ATAD3A: variants seen among roughly 807,000 people sequenced by gnomAD.
ATAD3A encodes ATPase family AAA domain containing 3A, also known as ATPase family AAA domain-containing protein 3A.
Under a neutral mutation model 73.8 loss-of-function variants are expected in ATAD3A, and 46 were observed. The ratio of observed to expected loss-of-function variants is 0.62; its 90% CI spans 0.49 to 0.80. The LOEUF is 0.80. Among genes scored for constraint, ATAD3A ranks in the 30% least tolerant of loss-of-function variants. The probability of loss-of-function intolerance (pLI) is 0.00; values close to 1 mark genes in which losing one functional copy is unlikely to be tolerated. For missense variants in ATAD3A, 705 were observed against 838.0 expected, an observed-to-expected ratio of 0.84 and a Z score of 1.96; for synonymous variants, 319 against 350.0, an observed-to-expected ratio of 0.91 and a Z score of 0.99.
chr1:1,528,476 C>G (rs945484651), intron 14 of ATAD3A, among the ~76,000 whole-genome samples: 22 of 152,192 alleles, frequency 1.4e-4, no homozygotes, highest in Non-Finnish European at 2.9e-4. Flanking sequence ...TGGCCTCCCT[C>G]CAGCTGCCAC....
chr1:1,519,230 CTTTTT>C (rs1320908153), intron 5 of ATAD3A, among the ~76,000 whole-genome samples: 1 of 132,382 alleles, frequency 7.6e-6, no homozygotes, highest in South Asian at 2.4e-4. Context: ...GTACAGGGGC[CTTTTT>C]TTTTTTTTTG....
intron 15 of ATAD3A, among the ~76,000 whole-genome samples, chr1:1,529,861 G>T (rs1641978073): frequency 6.6e-6 from 1 of 152,232 alleles, no homozygotes; most frequent in Admixed American, 6.5e-5. Context: ...GAGGAGCCAG[G>T]ACTCACAGGA....
rs1287091086 is a variant in ATAD3A at position 1,524,024 on chromosome 1, G to A, written c.1089+60G>A. ...CCGCTGGGGTCTCACCTGCCTGCAGGTGTCTGGGGGGCTCAGCTGCCTGGG... is the reference window on the plus strand; with the variant it reads ...CCGCTGGGGTCTCACCTGCCTGCAGATGTCTGGGGGGCTCAGCTGCCTGGG... On this transcript the variant is annotated intron_variant, in intron 10 of 15. Coordinates refer to ENST00000378756, the MANE Select transcript of ATAD3A (RefSeq NM_001170535.3). 8.1e-6 allele frequency: 13 copies of A among 1,610,616 alleles called. No homozygotes were observed. In the East Asian group the frequency reaches 2.9e-4, roughly 36 times the overall value.
chr1:1,517,047 G>T, intron 2 of ATAD3A: 1 of 1,462,822 alleles, frequency 6.8e-7, no homozygotes, highest in East Asian at 2.5e-5. Flanking sequence ...CATGAGCTCT[G>T]CCCTCAGTGC....
At position 1,523,920 on chromosome 1, in the gene ATAD3A, C is replaced by G. The variant is rs372111873; in HGVS notation, c.1045C>G (p.Leu349Val). ...KKNRSLYRNILMYGPPGTGKT... is the reference protein window; with the variant it reads ...KKNRSLYRNIVMYGPPGTGKT... ...GAACCGCAGCCTGTACAGGAACATC[C>G]TGATGTACGGGCCACCAGGCACCGG... Residue 349 changes from leucine (L) to valine (V), a missense_variant, in exon 10 of 16, where the codon CTG (leucine) becomes GTG (valine). Leu to Val is a conservative substitution (Grantham distance 32). Around this residue, in one of 5 missense-constraint regions of ATAD3A, gnomAD observed 315 missense variants for 334.1 expected, o/e 0.94. Transcript: ENST00000378756. This position sits in a 1 kb window ranked among gnomAD's most constrained non-coding sequence, Gnocchi z 5.1. 2 of 1,614,044 alleles carry G rather than the reference C, an allele frequency of 1.2e-6. No individual in the cohort carries two copies. The highest frequency in any genetic ancestry group is 2.2e-5 in the East Asian group (1 of 44,880).
At chr1:1,524,035 G>T (rs558017104) in intron 10 of ATAD3A, 71 bp downstream of exon 10, 10 of 1,606,158 alleles carry the variant, frequency 6.2e-6, no homozygotes, top group Non-Finnish European at 8.5e-6. Context: ...TGTCTGGGGG[G>T]CTCAGCTGCC....
chr1:1,517,182 C>T (rs1641387769), intron 2 of ATAD3A, 129 bp from the exon 3 acceptor site: 2 of 1,547,644 alleles, frequency 1.3e-6, no homozygotes, highest in Middle Eastern at 3.4e-4. Flanking sequence ...GCTGGAAGCC[C>T]TGAGCCTGCT....
At chr1:1,531,686 G>C (rs1246244778) in intron 15 of ATAD3A, among the ~76,000 whole-genome samples, 2 of 151,378 alleles carry the variant, frequency 1.3e-5, no homozygotes, top group Non-Finnish European at 2.9e-5. Context: ...GCTGAGGCAG[G>C]AGAATGGCAT....
At chr1:1,522,444 C>T (rs1641631576) in intron 7 of ATAD3A, among the ~76,000 whole-genome samples, 1 of 152,208 alleles carries the variant, frequency 6.6e-6, no homozygotes. Context: ...AGGGTGTGGC[C>T]CTGTGACATC....
rs1449583246 is a variant in ATAD3A, at chr1:1,514,776, C to T, written c.206-1236C>T. Reference sequence around the variant, plus strand: ...ACTCTGAAGGCTTAAAAAAGTGAGACGGGCTGCGGGAGGAAGAGAGACGGG... The same window carrying T: ...ACTCTGAAGGCTTAAAAAAGTGAGATGGGCTGCGGGAGGAAGAGAGACGGG... On this transcript the variant is annotated intron_variant, in intron 1 of 15. Transcript: ENST00000378756. Among the ~76,000 whole-genome samples the T allele has an allele frequency of 1.1e-4, 17 of 152,292 alleles. No homozygotes were observed. In the East Asian group the frequency reaches 1.7e-3, roughly 16 times the overall value.
chr1:1,520,436 C>G lies in ATAD3A; in HGVS notation c.681-112C>G, dbSNP rs867309999. ...TGACTCCTTGGTGGGGGCACTGCCC[C>G]TCTGTCCTGGCAAGGCCGTGCCGCC... is the stretch of plus-strand genomic sequence containing the variant. On this transcript the variant is annotated intron_variant, in intron 6 of 15. Transcript: ENST00000378756. This position sits in a 1 kb window ranked among gnomAD's most constrained non-coding sequence, Gnocchi z 4.0. 1.9e-6 allele frequency: 3 copies of G among 1,600,180 alleles called. No individual in the cohort carries two copies. The highest frequency in any genetic ancestry group is 2.2e-5 in the East Asian group (1 of 44,668).
chr1:1,533,425 G>A (rs1016130606), intron 15 of ATAD3A, among the ~76,000 whole-genome samples: 1 of 152,238 alleles, frequency 6.6e-6, no homozygotes, highest in Non-Finnish European at 1.5e-5. Context: ...CGTGCCAGAT[G>A]CCAAGCCCTG....
At chr1:1,530,394 C>A (rs1389033487) in intron 15 of ATAD3A, among the ~76,000 whole-genome samples, 1 of 152,152 alleles carries the variant, frequency 6.6e-6, no homozygotes, top group Non-Finnish European at 1.5e-5. Context: ...ATTAGCTGGA[C>A]CTGGTGGCAC....
rs776036767 is a variant in ATAD3A, at chr1:1,529,206, G to C, written c.1506-17G>C. On this transcript the variant is annotated splice_polypyrimidine_tract_variant and intron_variant, in intron 14 of 15. Transcript: ENST00000378756. ...AGCTGCTGCCTTGGCCGGCCCACTT[G>C]GGAACTCCTTCCCCAGGCGCCTGAA... is the stretch of plus-strand genomic sequence containing the variant. 1.9e-6 allele frequency: 3 copies of C among 1,607,588 alleles called. No homozygotes were observed. The East Asian group carries it at 6.7e-5, about 36-fold the overall frequency.
chr1:1,527,239 G>A (rs1641880018), intron 13 of ATAD3A: 1 of 1,296,332 alleles, frequency 7.7e-7, no homozygotes, highest in African/African-American at 1.5e-5. Context: ...GGGCTCCCAG[G>A]TCAGCTGCTG....
chr1:1,522,606 C>T (rs371466536), intron 7 of ATAD3A, 138 bp from the exon 8 acceptor site: 7 of 1,486,002 alleles, frequency 4.7e-6, no homozygotes, highest in Non-Finnish European at 3.6e-6. Flanking sequence ...GCCGGGAATT[C>T]GCGTTCCTGT....
rs566338341 is a variant in ATAD3A at position 1,516,860 on chromosome 1, C to T, written c.283-451C>T. On this transcript the variant is annotated intron_variant, in intron 2 of 15. Coordinates refer to ENST00000378756, the MANE Select transcript of ATAD3A (RefSeq NM_001170535.3). ...CCGAGCAGCTGGGACTACAAGAGCC[C>T]GCCACCACATCTGGCTAATTTTTGT... Among the ~76,000 whole-genome samples the T allele has an allele frequency of 2.4e-4, 37 of 152,168 alleles. No homozygotes were observed. The East Asian group carries it at 5.2e-3, about 21-fold the overall frequency.
chr1:1,513,602 T>C (rs1358452186), intron 1 of ATAD3A, among the ~76,000 whole-genome samples: 4 of 152,108 alleles, frequency 2.6e-5, no homozygotes, highest in Non-Finnish European at 5.9e-5. Flanking sequence ...TTCCTGTGGA[T>C]TGTGTTCCAG....
chr1:1,534,053 A>G lies in ATAD3A; in HGVS notation c.1742A>G (p.Asp581Gly), dbSNP rs754120604. ...AAGGCGGAAGGGCCTGGGCGTGGGGACGAGCCCTCCCCATCCTGAGTCCAC... is the reference window on the plus strand; with the variant it reads ...AAGGCGGAAGGGCCTGGGCGTGGGGGCGAGCCCTCCCCATCCTGAGTCCAC... ...WLKAEGPGRG[D>G]EPSPS Residue 581 changes from aspartate (D) to glycine (G), a missense_variant, in exon 16 of 16, where the codon GAC becomes GGC. Transcript: ENST00000378756. 1 of 1,613,414 alleles carries G rather than the reference A, an allele frequency of 6.2e-7. No individual in the cohort carries two copies.
Sources: allele counts gnomAD v4.1 joint callset (sites outside exome capture counted in the v4.1 genomes callset), GRCh38; gene constraint gnomAD v4.1.1; regional missense constraint gnomAD v4.1.1; non-coding constraint Gnocchi (gnomAD v3.1); transcripts MANE v1.5; gene names NCBI Gene and HGNC (gene_info 2026-07-23, HGNC 2026-07-21).